HEATR4: variants seen among roughly 807,000 people sequenced by gnomAD.
HEATR4 encodes the protein HEAT repeat containing 4, also known as HEAT repeat-containing protein 4.
In HEATR4, 95 loss-of-function variants were observed where a neutral mutation model predicts 108.8. The ratio of observed to expected loss-of-function variants is 0.87; its 90% confidence interval spans 0.74 to 1.04. The LOEUF (loss-of-function observed/expected upper bound fraction) is 1.04, where lower values mean the gene tolerates loss of function less well. HEATR4 is among the 50% of genes least tolerant of loss of function. HEATR4 has a pLI of 0.00. For missense variants in HEATR4, 1,152 were observed against 1,253.8 expected (o/e 0.92, Z 1.23); for synonymous variants, 443 against 459.4 (o/e 0.96, Z 0.46).
the HEATR4 span, chr14:73,591,842 C>T: frequency 9.6e-7 from 1 of 1,039,702 alleles, no homozygotes; most frequent in Non-Finnish European, 1.3e-6. Flanking sequence ...GACTGCTCAG[C>T]CACCGGCAGC....
chr14:73,613,004 C>T, the HEATR4 span: 6 of 969,180 alleles, frequency 6.2e-6, no homozygotes, highest in Non-Finnish European at 8.5e-6. Flanking sequence ...GGGCCCGGTG[C>T]GCGCCGCGCT....
At chr14:73,616,694 A>C in the HEATR4 span, 58 of 195,512 alleles carry the variant, frequency 3.0e-4, no homozygotes, top group Non-Finnish European at 5.0e-4. Flanking sequence ...GACTGTCAAA[A>C]AAAAATTTTT....
intron 17 of HEATR4, among the ~76,000 whole-genome samples, chr14:73,488,702 G>A (rs1381756794): frequency 6.6e-6 from 1 of 150,440 alleles, no homozygotes; most frequent in African/African-American, 2.4e-5. Context: ...ATAGCAATGT[G>A]AGAATGGCTA....
intron 5 of HEATR4, 30 bp downstream of exon 5, chr14:73,518,993 C>T: frequency 6.3e-7 from 1 of 1,595,778 alleles, no homozygotes. Context: ...CGTTATTAAC[C>T]CCTGCCTTCC....
At chr14:73,532,234 A>C (rs1409208967) in intron 1 of HEATR4, among the ~76,000 whole-genome samples, 1 of 114,300 alleles carries the variant, frequency 8.7e-6, no homozygotes, top group Non-Finnish European at 1.9e-5. Context: ...CAGCTCCTCC[A>C]CTGCTACTTA....
rs1161000135 is a variant in HEATR4 at position 73,546,182 on chromosome 14, A to G, written c.-152+12569T>C. On this transcript the variant is annotated intron_variant, in intron 1 of 17. Transcript: ENST00000553558. ...TTTTTAGTAGAGATGGGGTTTTGCC[A>G]TGTTGGTCAGCTGGTCTCGAACTCC... Among the ~76,000 whole-genome samples, 3 of 112,112 alleles carry G rather than the reference A, an allele frequency of 2.7e-5. 1 individual carries two copies. The highest frequency in any genetic ancestry group is 1.0e-4 in the Admixed American group (1 of 9,738). The allele number at this position is 112,112 out of a possible 152,430, so 73.5% of individuals were successfully genotyped here. A position where few individuals can be genotyped will look rare whatever the true frequency, so the allele number is the denominator to read the frequency against.
the HEATR4 span, among the ~76,000 whole-genome samples, chr14:73,621,319 T>C: frequency 1.3e-5 from 2 of 152,174 alleles, no homozygotes; most frequent in African/African-American, 4.8e-5. Flanking sequence ...ATATGGTCAT[T>C]GCCTGCCTGG....
the HEATR4 span, among the ~76,000 whole-genome samples, chr14:73,622,640 T>C: frequency 6.6e-6 from 1 of 151,792 alleles, no homozygotes; most frequent in Non-Finnish European, 1.5e-5. Context: ...CCTCAGGTGA[T>C]CGCCTGCCTT....
chr14:73,493,180 G>T (rs1885900060), intron 16 of HEATR4, 56 bp from the exon 17 acceptor site: 1 of 1,417,240 alleles, frequency 7.1e-7, no homozygotes, highest in South Asian at 1.2e-5. Flanking sequence ...CTTGATCCGT[G>T]ATCATTTCAG....
intron 1 of HEATR4, among the ~76,000 whole-genome samples, chr14:73,545,848 A>G (rs2140317069): frequency 8.8e-6 from 1 of 113,254 alleles, no homozygotes. Context: ...ATTAGATTCA[A>G]AAGCACCACA....
chr14:73,498,427 C>G lies in HEATR4; in HGVS notation c.2357-83G>C, dbSNP rs531685508. 3.3e-6 allele frequency: 4 copies of G among 1,213,682 alleles called. No individual in the cohort carries two copies. The African/African-American group carries it at 6.1e-5, about 18-fold the overall frequency. 75.2% of individuals were successfully genotyped at this position (1,213,682 alleles called of 1,614,324 possible). On this transcript the variant is annotated intron_variant, in intron 13 of 17. Coordinates refer to ENST00000553558, the MANE Select transcript of HEATR4 (RefSeq NM_001220484.1). Reference sequence around the variant, plus strand: ...CCAGAAATAAATTGAGTTTTGCAAACAATACCTTCCCTTTTGGATGGTAAT... The same window carrying G: ...CCAGAAATAAATTGAGTTTTGCAAAGAATACCTTCCCTTTTGGATGGTAAT...
At chr14:73,612,763 C>T in the HEATR4 span, 1 of 1,371,920 alleles carries the variant, frequency 7.3e-7, no homozygotes, top group Non-Finnish European at 9.3e-7. Context: ...ACCTGGAGCG[C>T]GCGCCCGCGC....
rs139065610 is a variant in HEATR4 at position 73,520,485 on chromosome 14, A to C, written c.1069+367T>G. ...CTCCAAAGCCCTGATTTTTTCCAAC[A>C]TAGCACCTTGGTGGGAGAATATCTC... On this transcript the variant is annotated intron_variant, in intron 4 of 17. Transcript: ENST00000553558. 3 of 172,278 alleles carry C rather than the reference A, an allele frequency of 1.7e-5. No homozygotes were observed. The East Asian group carries it at 4.7e-4, about 27-fold the overall frequency. The allele number at this position is 172,278 out of a possible 1,614,324, so 10.7% of individuals were successfully genotyped here. A position where few individuals can be genotyped will look rare whatever the true frequency, so the allele number is the denominator to read the frequency against.
chr14:73,626,680 G>A, the HEATR4 span, among the ~76,000 whole-genome samples: 2 of 151,436 alleles, frequency 1.3e-5, no homozygotes, highest in African/African-American at 2.4e-5. Flanking sequence ...AAAGTTCAAG[G>A]TGAAGCAGCA....
intron 4 of HEATR4, 100 bp from the exon 5 acceptor site, chr14:73,519,263 C>T (rs1001834512): frequency 8.1e-7 from 1 of 1,236,350 alleles, no homozygotes; most frequent in Non-Finnish European, 1.1e-6. Flanking sequence ...TCCTTTTGCC[C>T]TAATCTAAGC....
chr14:73,522,848 A>G lies in HEATR4; in HGVS notation c.305T>C (p.Ile102Thr). The G allele has an allele frequency of 1.2e-6, 2 of 1,614,148 alleles. No homozygotes were observed. The highest frequency in any genetic ancestry group is 1.1e-5 in the South Asian group (1 of 91,080). ...SFDHLYNTND[I>T]IHTPQIRKAR... ...CTTCCTGATCTGGGGAGTATGGATG[A>G]TGTCATTGGTATTGTAGAGGTGGTC... The change falls in exon 3 of 18, where the codon ATC becomes ACC. Residue 102 changes from isoleucine (I) to threonine (T), a missense_variant. Physicochemically the swap from Ile to Thr is moderately conservative, Grantham distance 89. Coordinates refer to ENST00000553558, the MANE Select transcript of HEATR4 (RefSeq NM_001220484.1).
At chr14:73,527,143 A>T (rs947434676) in intron 2 of HEATR4, 2 of 152,172 alleles carry the variant, frequency 1.3e-5, no homozygotes, top group Non-Finnish European at 2.9e-5. Flanking sequence ...ACAGCACTTA[A>T]TCCCCTTTGA....
chr14:73,622,750 T>C, the HEATR4 span, among the ~76,000 whole-genome samples: 3 of 151,922 alleles, frequency 2.0e-5, no homozygotes, highest in Non-Finnish European at 4.4e-5. Context: ...CCATTTGAAA[T>C]GCAGTAAAGC....
chr14:73,515,309 A>G (rs1887528273), intron 5 of HEATR4, among the ~76,000 whole-genome samples: 1 of 152,178 alleles, frequency 6.6e-6, no homozygotes, highest in Non-Finnish European at 1.5e-5. Flanking sequence ...CTGACTCTTA[A>G]CACCTTTAGA....
Sources: allele counts gnomAD v4.1 joint callset (sites outside exome capture counted in the v4.1 genomes callset), GRCh38; gene constraint gnomAD v4.1.1; transcripts MANE v1.5; gene names NCBI Gene and HGNC (gene_info 2026-07-23, HGNC 2026-07-21).